Variants in DPP10 observed in about 807,000 individuals in gnomAD.
The protein encoded by DPP10 is dipeptidyl peptidase like 10, also known as inactive dipeptidyl peptidase 10.
Under a neutral mutation model 120.9 loss-of-function variants are expected in DPP10, and 33 were observed. The ratio of observed to expected loss-of-function variants is 0.27; its 90% CI spans 0.21 to 0.37. The LOEUF (loss-of-function observed/expected upper bound fraction) is 0.37. Ranked by LOEUF, DPP10 falls within the 10% of genes least tolerant of loss-of-function variation. The pLI is 1.00. For missense variants in DPP10, 816 were observed against 942.8 expected, an observed-to-expected ratio of 0.87 and a Z score of 1.76; for synonymous variants, 337 against 326.1, an observed-to-expected ratio of 1.03 and a Z score of -0.36.
chr2:115,087,538 C>CT (rs56685721), intron 1 of DPP10, among the ~76,000 whole-genome samples: 2,900 of 99,190 alleles, frequency 0.029, 128 homozygotes, highest in African/African-American at 0.086. Flanking sequence ...CTTTTCTTTT[C>CT]TTTTTTTTTT....
chr2:115,729,587 A>G (rs1443464932), intron 8 of DPP10, among the ~76,000 whole-genome samples: 2 of 152,158 alleles, frequency 1.3e-5, no homozygotes, highest in Non-Finnish European at 2.9e-5. Context: ...ACAAAATAGC[A>G]AGGTTTTCAT....
chr2:115,609,070 T>C (rs2083902439), intron 5 of DPP10, among the ~76,000 whole-genome samples: 1 of 152,136 alleles, frequency 6.6e-6, no homozygotes, highest in Non-Finnish European at 1.5e-5. Flanking sequence ...CACATCATTA[T>C]GAAATTCCCA....
At chr2:114,481,259 C>G (rs1226144709) in intron 1 of DPP10, among the ~76,000 whole-genome samples, 9 of 151,994 alleles carry the variant, frequency 5.9e-5, no homozygotes, top group East Asian at 1.9e-4. Context: ...GAACAGAAGA[C>G]ATAAAGAAAT....
intron 1 of DPP10, among the ~76,000 whole-genome samples, chr2:114,543,181 G>A (rs185254007): frequency 6.6e-6 from 1 of 152,060 alleles, no homozygotes; most frequent in Non-Finnish European, 1.5e-5. Context: ...TCATTGTCTT[G>A]GTATCATTAT....
chr2:114,598,169 G>T (rs1692079759), intron 1 of DPP10, among the ~76,000 whole-genome samples: 1 of 151,906 alleles, frequency 6.6e-6, no homozygotes, highest in African/African-American at 2.4e-5. Flanking sequence ...CATCATAGAG[G>T]ATATAAAAAG....
rs3068805 is a variant in DPP10 at position 115,308,693 on chromosome 2, GT to G, written c.61-524del. On this transcript the variant is annotated intron_variant, in intron 1 of 25. Transcript: ENST00000410059. The stretch of plus-strand genomic sequence containing the variant: ...CATTTAATTTAGTTAACTAAATCCT[GT>G]TTTTTTTTTTTTTTTTTTTTTATGA... Among the ~76,000 whole-genome samples the G allele has an allele frequency of 6.3e-3, 802 of 126,600 alleles. 4 individuals are homozygous for G. Among genetic ancestry groups the G allele is most frequent in the African/African-American group, 0.016 (555 of 34,266 alleles). The allele number at this position is 126,600 out of a possible 152,430, so 83.1% of individuals were successfully genotyped here.
intron 1 of DPP10, among the ~76,000 whole-genome samples, chr2:114,792,112 T>C (rs1338237826): frequency 6.6e-6 from 1 of 152,212 alleles, no homozygotes; most frequent in Non-Finnish European, 1.5e-5. Context: ...AGATTTATCT[T>C]TGGCTTATAT....
At chr2:114,615,146 G>A (rs1693583153) in intron 1 of DPP10, among the ~76,000 whole-genome samples, 2 of 152,034 alleles carry the variant, frequency 1.3e-5, no homozygotes, top group Admixed American at 6.6e-5. Context: ...TGCATACCAT[G>A]GATCTTTTTT....
chr2:115,772,472 C>T (rs1008171686), intron 13 of DPP10, among the ~76,000 whole-genome samples: 3 of 152,084 alleles, frequency 2.0e-5, no homozygotes, highest in African/African-American at 7.2e-5. Flanking sequence ...TGAGTGTTTT[C>T]TCCACTTTCA....
chr2:115,280,762 G>A (rs2105872940), intron 1 of DPP10, among the ~76,000 whole-genome samples: 1 of 152,256 alleles, frequency 6.6e-6, no homozygotes, highest in East Asian at 1.9e-4. Context: ...TGAGAGTATT[G>A]CTAGTTATTT....
At chr2:115,727,997 CA>C (rs142268989) in intron 8 of DPP10, 61 bp downstream of exon 8, 33 of 1,525,548 alleles carry the variant, frequency 2.2e-5, no homozygotes, top group Middle Eastern at 1.8e-4. Context: ...CAAAATCTAC[CA>C]AAAAAAATCT....
intron 5 of DPP10, among the ~76,000 whole-genome samples, chr2:115,622,965 C>G (rs2149288577): frequency 6.6e-6 from 1 of 151,992 alleles, no homozygotes; most frequent in South Asian, 2.1e-4. Context: ...GCCTCAGCCT[C>G]CCATGTAGCT....
intron 2 of DPP10, among the ~76,000 whole-genome samples, chr2:115,341,647 ACT>A (rs1422839254): frequency 6.6e-6 from 1 of 152,114 alleles, no homozygotes; most frequent in African/African-American, 2.4e-5. Flanking sequence ...TGCTATTTTT[ACT>A]GTCTCTATAG....
intron 5 of DPP10, among the ~76,000 whole-genome samples, chr2:115,571,069 C>G (rs775470107): frequency 6.6e-6 from 1 of 152,242 alleles, no homozygotes; most frequent in East Asian, 1.9e-4. Context: ...GAAGCCAGGA[C>G]GAGTTCCTAT....
At chr2:115,132,694 A>G (rs2050422349) in intron 1 of DPP10, among the ~76,000 whole-genome samples, 1 of 152,068 alleles carries the variant, frequency 6.6e-6, no homozygotes, top group South Asian at 2.1e-4. Flanking sequence ...ACGGCTGGAA[A>G]TTCAGGTTTT....
chr2:115,127,637 T>C (rs2050143924), intron 1 of DPP10, among the ~76,000 whole-genome samples: 1 of 152,260 alleles, frequency 6.6e-6, no homozygotes. Flanking sequence ...AAAGAATATT[T>C]CTTTGTGGAA....
intron 13 of DPP10, among the ~76,000 whole-genome samples, chr2:115,768,946 T>G (rs1681125584): frequency 6.8e-6 from 1 of 148,020 alleles, no homozygotes; most frequent in African/African-American, 2.5e-5. Context: ...ATAATCTATG[T>G]TTTTTTTTTA....
intron 1 of DPP10, among the ~76,000 whole-genome samples, chr2:115,011,845 T>C (rs1367352000): frequency 6.6e-6 from 1 of 151,786 alleles, no homozygotes; most frequent in East Asian, 1.9e-4. Flanking sequence ...AACCTGTGAG[T>C]CTGCTTGCTT....
At chr2:114,741,656 G>C (rs953058638) in intron 1 of DPP10, among the ~76,000 whole-genome samples, 11 of 152,122 alleles carry the variant, frequency 7.2e-5, no homozygotes, top group Admixed American at 5.9e-4. Context: ...GTTCAGATGA[G>C]GTCATTAGGG....
Sources: gnomAD v4.1 joint callset for allele counts (sites outside exome capture counted in the v4.1 genomes callset) on GRCh38, gnomAD v4.1.1 for gene constraint, MANE v1.5 for transcripts, NCBI Gene and HGNC (gene_info 2026-07-23, HGNC 2026-07-21) for gene names.